Variants in VPS8 observed in about 807,000 individuals in gnomAD.
VPS8 encodes the protein vacuolar protein sorting-associated protein 8 homolog.
VPS8 carries 129 observed loss-of-function variants against 216.4 expected under a neutral mutation model. The ratio of observed to expected loss-of-function variants is 0.60; its 90% CI spans 0.52 to 0.69. The LOEUF (loss-of-function observed/expected upper bound fraction) is 0.69. Among genes scored for constraint, VPS8 ranks in the 30% least tolerant of loss-of-function variants. The pLI is 0.00. For missense variants in VPS8, 1,531 were observed against 1,683.5 expected (o/e 0.91, Z 1.59); for synonymous variants, 571 against 565.4 (o/e 1.01, Z -0.14).
chr3:184,924,435 T>C (rs906865143), intron 29 of VPS8, among the ~76,000 whole-genome samples: 3 of 152,040 alleles, frequency 2.0e-5, no homozygotes, highest in Non-Finnish European at 4.4e-5. Context: ...GAGAATCACT[T>C]GAACCCAAGA....
chr3:184,861,124 C>T (rs1417103365), intron 15 of VPS8, among the ~76,000 whole-genome samples: 1 of 152,152 alleles, frequency 6.6e-6, no homozygotes, highest in Non-Finnish European at 1.5e-5. Flanking sequence ...ACCTGGCCAA[C>T]TTCTTGGTTT....
At chr3:185,045,127 T>C (rs1712567478) in intron 46 of VPS8, among the ~76,000 whole-genome samples, 2 of 47,334 alleles carry the variant, frequency 4.2e-5, no homozygotes, top group Non-Finnish European at 8.1e-5. Flanking sequence ...GGAAATATGC[T>C]TCTCAGTCCA....
chr3:184,932,767 A>G (rs1740906927), intron 34 of VPS8, among the ~76,000 whole-genome samples: 1 of 152,222 alleles, frequency 6.6e-6, no homozygotes, highest in African/African-American at 2.4e-5. Flanking sequence ...TTTGTTTGAG[A>G]AGATTTTACC....
chr3:184,934,596 A>G (rs1189843476), intron 34 of VPS8, among the ~76,000 whole-genome samples: 1 of 152,162 alleles, frequency 6.6e-6, no homozygotes, highest in East Asian at 1.9e-4. Context: ...GTTTTCTTCT[A>G]TTTCTACTAT....
chr3:184,939,336 A>G (rs1201705611), intron 35 of VPS8, among the ~76,000 whole-genome samples: 1 of 152,026 alleles, frequency 6.6e-6, no homozygotes, highest in Non-Finnish European at 1.5e-5. Flanking sequence ...ATCATATTTT[A>G]TATTAATCTT....
intron 40 of VPS8, among the ~76,000 whole-genome samples, chr3:184,981,757 C>T (rs1297312752): frequency 6.6e-6 from 1 of 152,040 alleles, no homozygotes; most frequent in Non-Finnish European, 1.5e-5. Context: ...AATATTTTTC[C>T]TAAGGTTTAG....
intron 19 of VPS8, 57 bp downstream of exon 19, chr3:184,869,093 G>T (rs1727886679): frequency 2.0e-6 from 3 of 1,499,654 alleles, no homozygotes; most frequent in South Asian, 2.4e-5. Context: ...AGAGGGAATG[G>T]TTAGTACTAA....
At chr3:184,961,560 CT>C (rs1560879966) in intron 37 of VPS8, among the ~76,000 whole-genome samples, 2 of 152,050 alleles carry the variant, frequency 1.3e-5, no homozygotes, top group South Asian at 2.1e-4. Context: ...TTATTCCCCC[CT>C]CTCCCCTGAG....
chr3:184,815,539 C>T (rs899375891), intron 1 of VPS8, among the ~76,000 whole-genome samples: 2 of 152,094 alleles, frequency 1.3e-5, no homozygotes, highest in African/African-American at 2.4e-5. Context: ...GCAGATGACT[C>T]CTGTGTTATG....
At chr3:184,867,216 G>A (rs1727527580) in intron 17 of VPS8, among the ~76,000 whole-genome samples, 1 of 152,016 alleles carries the variant, frequency 6.6e-6, no homozygotes, top group Non-Finnish European at 1.5e-5. Context: ...CTTCCTTCAC[G>A]TTTATGTTTT....
At chr3:184,970,063 A>G (rs1016362902) in intron 39 of VPS8, among the ~76,000 whole-genome samples, 28 of 150,746 alleles carry the variant, frequency 1.9e-4, no homozygotes, top group African/African-American at 6.8e-4. Context: ...GGCACCAGCC[A>G]CCACACCCAG....
At chr3:184,884,975 G>C (rs532587312) in intron 21 of VPS8, among the ~76,000 whole-genome samples, 1 of 152,154 alleles carries the variant, frequency 6.6e-6, no homozygotes, top group Non-Finnish European at 1.5e-5. Flanking sequence ...TTCTCAGTCA[G>C]GGTTGAGATT....
intron 36 of VPS8, among the ~76,000 whole-genome samples, chr3:184,953,744 AG>A (rs1745117539): frequency 6.6e-6 from 1 of 152,146 alleles, no homozygotes; most frequent in Non-Finnish European, 1.5e-5. Flanking sequence ...CTTTGTTATC[AG>A]GTTGCTCATT....
intron 36 of VPS8, among the ~76,000 whole-genome samples, chr3:184,951,497 G>A (rs969999259): frequency 9.3e-5 from 14 of 150,034 alleles, no homozygotes; most frequent in African/African-American, 2.9e-4. Flanking sequence ...AAAAAAAAAA[G>A]AATTTGATGT....
intron 7 of VPS8, among the ~76,000 whole-genome samples, chr3:184,840,947 A>G (rs1027714271): frequency 2.0e-5 from 3 of 152,134 alleles, no homozygotes; most frequent in African/African-American, 7.2e-5. Flanking sequence ...GAAGTGGATA[A>G]CTAGTTATTT....
chr3:184,908,268 G>T (rs552667896), intron 25 of VPS8, among the ~76,000 whole-genome samples: 131 of 152,270 alleles, frequency 8.6e-4, no homozygotes, highest in Admixed American at 1.6e-3. Flanking sequence ...GCATTTGAGG[G>T]GCTACAAGAT....
rs1312237031 is a variant in VPS8, at chr3:184,970,851, C to T, written c.3317-798C>T. On this transcript the variant is annotated intron_variant, in intron 39 of 47. Transcript: ENST00000625842. ...TAAGAGACTATTGCAGTAGCATAGA[C>T]GAGGTGATGAAAAGCTCCACCAGGG... is the stretch of plus-strand genomic sequence containing the variant. 2.6e-5 allele frequency among the ~76,000 whole-genome samples: 4 copies of T among 152,174 alleles called. No homozygotes were observed. In the South Asian group the frequency reaches 6.2e-4, roughly 24 times the overall value.
chr3:184,848,937 TA>T, intron 8 of VPS8, 133 bp from the exon 9 acceptor site: 1 of 926,956 alleles, frequency 1.1e-6, no homozygotes. Flanking sequence ...TAAATATATT[TA>T]AAAATGAATG....
At chr3:184,955,842 A>G (rs1444967954) in intron 36 of VPS8, among the ~76,000 whole-genome samples, 1 of 152,062 alleles carries the variant, frequency 6.6e-6, no homozygotes, top group Non-Finnish European at 1.5e-5. Flanking sequence ...GGACTTTACA[A>G]TGTGGTTGGG....
Sources: allele counts gnomAD v4.1 joint callset (sites outside exome capture counted in the v4.1 genomes callset), GRCh38; gene constraint gnomAD v4.1.1; transcripts MANE v1.5; gene names NCBI Gene and HGNC (gene_info 2026-07-23, HGNC 2026-07-21).